Variants in CCDC136 observed in about 807,000 individuals in gnomAD.
CCDC136 encodes the protein coiled-coil domain-containing protein 136.
CCDC136 carries 100 observed loss-of-function variants against 141.2 expected under a neutral mutation model. The ratio of observed to expected loss-of-function variants is 0.71; its 90% confidence interval spans 0.60 to 0.84. The LOEUF is 0.84. CCDC136 is among the 40% of genes least tolerant of loss of function. CCDC136 has a pLI of 0.00. For missense variants in CCDC136, 1,206 were observed against 1,379.4 expected, an observed-to-expected ratio of 0.87 and a Z score of 1.99; for synonymous variants, 474 against 531.9, an observed-to-expected ratio of 0.89 and a Z score of 1.50.
At chr7:128,797,351 G>A (rs1181569314) in intron 3 of CCDC136, among the ~76,000 whole-genome samples, 1 of 152,168 alleles carries the variant, frequency 6.6e-6, no homozygotes, top group African/African-American at 2.4e-5. Flanking sequence ...CATATAATTG[G>A]CATTAGAATC....
chr7:128,810,570 A>C (rs1199752662), intron 12 of CCDC136, among the ~76,000 whole-genome samples: 2 of 152,218 alleles, frequency 1.3e-5, no homozygotes, highest in Non-Finnish European at 2.9e-5. Context: ...GACCTCACCT[A>C]GATGCCATTA....
chr7:128,817,969 C>T lies in CCDC136; in HGVS notation c.*5+105C>T. ...CCCAGCTGCTTGCTTCTTGCTTGTG[C>T]CATTTTATAATAGGTGATGCTCAGG... is the stretch of plus-strand genomic sequence containing the variant. On this transcript the variant is annotated intron_variant, in intron 17 of 17. Transcript: ENST00000297788. This position sits in a 1 kb window ranked among gnomAD's most constrained non-coding sequence, Gnocchi z 4.6. 1.2e-6 allele frequency: 1 copy of T among 842,828 alleles called. No homozygotes were observed. The highest frequency in any genetic ancestry group is 1.6e-5 in the South Asian group (1 of 63,004). 52.2% of individuals were successfully genotyped at this position (842,828 alleles called of 1,614,324 possible). A position where few individuals can be genotyped will look rare whatever the true frequency, so the allele number is the denominator to read the frequency against.
At position 128,807,422 on chromosome 7, in the gene CCDC136, G is replaced by A; in HGVS notation, c.1482G>A (p.Glu494=). 2 of 1,580,536 alleles carry A rather than the reference G, an allele frequency of 1.3e-6. No homozygotes were observed. The highest frequency in any genetic ancestry group is 1.7e-6 in the Non-Finnish European group (2 of 1,164,018). ...AGCTGTACCAGGCCAGCAAGGACGA[G>A]CTGGAGCGGCAGAAGCACATGTATG... is the stretch of plus-strand genomic sequence containing the variant. The part of the protein sequence containing the change: ...MKQLYQASKD[E]LERQKHMYDQ... Residue 494 remains glutamate (E), a synonymous_variant, in exon 10 of 18, where the codon GAG becomes GAA. Coordinates refer to ENST00000297788, the MANE Select transcript of CCDC136 (RefSeq NM_022742.5).
chr7:128,795,631 G>T (rs1802834857), intron 3 of CCDC136, among the ~76,000 whole-genome samples: 1 of 152,098 alleles, frequency 6.6e-6, no homozygotes, highest in Admixed American at 6.6e-5. Flanking sequence ...GAGGAAAGTG[G>T]CAGGACACGT....
chr7:128,795,045 T>C (rs1802737197), intron 3 of CCDC136, among the ~76,000 whole-genome samples: 1 of 152,142 alleles, frequency 6.6e-6, no homozygotes, highest in Non-Finnish European at 1.5e-5. Context: ...GGCTCTTTCC[T>C]CTTGCCCCTT....
chr7:128,808,953 G>A (rs925252993), intron 10 of CCDC136: 2 of 984,998 alleles, frequency 2.0e-6, no homozygotes, highest in African/African-American at 3.5e-5. Flanking sequence ...TACCAATAGC[G>A]CATACTTTCT....
chr7:128,816,276 G>A (rs1330238079), intron 16 of CCDC136, among the ~76,000 whole-genome samples: 1 of 152,236 alleles, frequency 6.6e-6, no homozygotes, highest in Non-Finnish European at 1.5e-5. Context: ...ACTGCAGGAA[G>A]GACATTGACA....
intron 3 of CCDC136, among the ~76,000 whole-genome samples, chr7:128,799,270 G>C (rs558064542): frequency 1.5e-3 from 219 of 150,620 alleles, no homozygotes; most frequent in Non-Finnish European, 2.5e-3. Flanking sequence ...CTTGAGCCCA[G>C]GAAGTCAAGG....
intron 10 of CCDC136, chr7:128,808,682 G>A (rs1421686691): frequency 2.0e-6 from 2 of 985,236 alleles, no homozygotes; most frequent in Non-Finnish European, 2.4e-6. Flanking sequence ...GGTTATTTGG[G>A]CCACCTCAGC....
In CCDC136 at chr7:128,809,651, C is replaced by G. The variant is rs752822301; in HGVS notation, c.1800+7C>G. The G allele has an allele frequency of 5.3e-6, 8 of 1,498,416 alleles. No individual in the cohort carries two copies. Among genetic ancestry groups the G allele is most frequent in the African/African-American group, 1.4e-5 (1 of 71,444 alleles). 92.8% of individuals were successfully genotyped at this position (1,498,416 alleles called of 1,614,324 possible). On this transcript the variant is annotated splice_region_variant and intron_variant, in intron 11 of 17. Transcript: ENST00000297788. ...GAGTGGCCTCTTACTCAAGGTAACT[C>G]TGCCACAGGCAGCTGCTAACTGCGG... is the stretch of plus-strand genomic sequence containing the variant.
chr7:128,810,418 CAG>C (rs201820240), intron 12 of CCDC136, 52 bp downstream of exon 12: 4 of 1,334,818 alleles, frequency 3.0e-6, no homozygotes, highest in Non-Finnish European at 4.2e-6. Flanking sequence ...AACAGCATGG[CAG>C]AGAGAGTGGG....
rs373170365 is a variant in CCDC136 at position 128,805,334 on chromosome 7, A to G, written c.783-25A>G. On this transcript the variant is annotated intron_variant, in intron 5 of 17. Coordinates refer to ENST00000297788, the MANE Select transcript of CCDC136 (RefSeq NM_022742.5). This position sits in a 1 kb window ranked among gnomAD's most constrained non-coding sequence, Gnocchi z 4.6. ...ATGCCAGGCAGAACTCCCTTCAAGC[A>G]TAGCTCTGCGGTTCTGAATTGCAGG... 98 of 1,610,318 alleles carry G rather than the reference A, an allele frequency of 6.1e-5. No homozygotes were observed. The highest frequency in any genetic ancestry group is 8.0e-5 in the Non-Finnish European group (94 of 1,177,610).
At position 128,814,691 on chromosome 7, in the gene CCDC136, C is replaced by G; in HGVS notation, c.2817C>G (p.Ser939Arg). The G allele has an allele frequency of 6.2e-7, 1 of 1,612,636 alleles. No homozygotes were observed. Among genetic ancestry groups the G allele is most frequent in the Non-Finnish European group, 8.5e-7 (1 of 1,179,238 alleles). The change falls in exon 15 of 18, where the codon AGC (serine) becomes AGG (arginine). Residue 939 changes from serine (S) to arginine (R), a missense_variant. Coordinates refer to ENST00000297788, the MANE Select transcript of CCDC136 (RefSeq NM_022742.5). ...AGCTGCAGCTGCAATACCAGGCTAG[C>G]ATGGATGAGCAGGGGCGGCTTCTGG... The part of the protein sequence containing the change: ...LRELQLQYQA[S>R]MDEQGRLLVV...
chr7:128,802,218 C>T (rs1176926189), intron 4 of CCDC136, among the ~76,000 whole-genome samples: 1 of 152,190 alleles, frequency 6.6e-6, no homozygotes, highest in Non-Finnish European at 1.5e-5. Flanking sequence ...TGCTTTCAGA[C>T]AGTGAGTCTC....
intron 14 of CCDC136, among the ~76,000 whole-genome samples, chr7:128,813,692 A>T (rs1198010708): frequency 7.2e-5 from 11 of 152,158 alleles, no homozygotes; most frequent in African/African-American, 2.7e-4. Context: ...CCATAAAAAG[A>T]ATTCTAGGCC....
Position 128,792,273 on chromosome 7 carries a change from G to T in CCDC136, c.-139G>T. 3 of 1,253,560 alleles carry T rather than the reference G, an allele frequency of 2.4e-6. No individual in the cohort carries two copies. The highest frequency in any genetic ancestry group is 3.2e-6 in the Non-Finnish European group (3 of 933,596). The allele number at this position is 1,253,560 out of a possible 1,614,324, so 77.7% of individuals were successfully genotyped here. On this transcript the variant is annotated 5_prime_UTR_variant, in exon 1 of 18. Coordinates refer to ENST00000297788, the MANE Select transcript of CCDC136 (RefSeq NM_022742.5). ...CCTTCTTTCCTCTGCACCCCAGCCC[G>T]CAGCCAGCCCCCCACCCCCCAGCCC...
chr7:128,806,526 A>T (rs1804862017), intron 8 of CCDC136, 131 bp downstream of exon 8: 1 of 1,077,324 alleles, frequency 9.3e-7, no homozygotes, highest in African/African-American at 1.6e-5. Context: ...ACAGGTAAAG[A>T]ACTCCAGCCC....
At chr7:128,791,546 G>A, upstream of CCDC136, 2 of 1,281,306 alleles carry the variant, frequency 1.6e-6, no homozygotes, top group East Asian at 3.1e-5. This position sits in a 1 kb window ranked among gnomAD's most constrained non-coding sequence, Gnocchi z 7.1. Flanking sequence ...AGCTGCCCGG[G>A]CCCAGGTCAG....
rs1806918772 is a variant in CCDC136 at position 128,818,067 on chromosome 7, G to A, written c.*5+203G>A. 4 of 543,874 alleles carry A rather than the reference G, an allele frequency of 7.4e-6. No individual in the cohort carries two copies. In the South Asian group the frequency reaches 9.1e-5, roughly 12 times the overall value. The allele number at this position is 543,874 out of a possible 1,614,324, so 33.7% of individuals were successfully genotyped here. On this transcript the variant is annotated intron_variant, in intron 17 of 17. Coordinates refer to ENST00000297788, the MANE Select transcript of CCDC136 (RefSeq NM_022742.5). ...ACATCTCTGAGCATGTCTTCGTAAT[G>A]CATAGGAGGTTGGAATGCTTGCCAG... is the stretch of plus-strand genomic sequence containing the variant.
Sources: allele counts gnomAD v4.1 joint callset (sites outside exome capture counted in the v4.1 genomes callset), GRCh38; gene constraint gnomAD v4.1.1; non-coding constraint Gnocchi (gnomAD v3.1); transcripts MANE v1.5; gene names NCBI Gene and HGNC (gene_info 2026-07-23, HGNC 2026-07-21).